NECTIN2: variants seen among roughly 807,000 people sequenced by gnomAD.
The protein encoded by NECTIN2 is nectin-2.
NECTIN2 carries 23 observed loss-of-function variants against 56.9 expected under a neutral mutation model. That is an observed-to-expected ratio of 0.40 (90% CI 0.29 to 0.57). NECTIN2 has a LOEUF of 0.57. NECTIN2 is among the 20% of genes least tolerant of loss of function. The pLI is 0.38. For missense variants in NECTIN2, 587 were observed against 718.3 expected (o/e 0.82, Z 2.09); for synonymous variants, 302 against 313.8 (o/e 0.96, Z 0.40).
At chr19:44,883,343 C>T (rs1032601073) in intron 6 of NECTIN2, among the ~76,000 whole-genome samples, 1 of 152,090 alleles carries the variant, frequency 6.6e-6, no homozygotes, top group Non-Finnish European at 1.5e-5. Context: ...GGCGCCATCT[C>T]GGCTCACTGC....
rs765363683 is a variant in NECTIN2 at position 44,878,601 on chromosome 19, G to A, written c.1043-3610G>A. On this transcript the variant is annotated intron_variant, in intron 5 of 8. Coordinates refer to ENST00000252483, the MANE Select transcript of NECTIN2 (RefSeq NM_001042724.2). ...CAGCTGGACGGCTCCCTCATCTCAC[G>A]GCGGGCAGTTTATGTGTGACCTGGA... 8.7e-6 allele frequency: 14 copies of A among 1,603,128 alleles called. No homozygotes were observed. In the African/African-American group the frequency reaches 1.1e-4, roughly 12 times the overall value.
At chr19:44,867,546 A>G (rs988692247) in intron 2 of NECTIN2, among the ~76,000 whole-genome samples, 1 of 152,194 alleles carries the variant, frequency 6.6e-6, no homozygotes, top group African/African-American at 2.4e-5. Flanking sequence ...TAGGGGACAT[A>G]GTGGCCTCAT....
chr19:44,863,699 G>T (rs1199614692), intron 1 of NECTIN2, among the ~76,000 whole-genome samples: 1 of 151,708 alleles, frequency 6.6e-6, no homozygotes, highest in Non-Finnish European at 1.5e-5. Context: ...ACAAAAATTA[G>T]CCAGGCATGG....
chr19:44,851,614 C>T (rs1968900876), intron 1 of NECTIN2, among the ~76,000 whole-genome samples: 2 of 152,244 alleles, frequency 1.3e-5, no homozygotes, highest in South Asian at 4.1e-4. Context: ...TCTGCCACCA[C>T]AGGAAGCCTG....
At chr19:44,881,123 C>T (rs1969303317) in intron 5 of NECTIN2, among the ~76,000 whole-genome samples, 1 of 151,832 alleles carries the variant, frequency 6.6e-6, no homozygotes, top group African/African-American at 2.4e-5. Context: ...GTCTTGTGCT[C>T]GTTGCCCTGG....
At chr19:44,879,009 C>A (rs1394387473) in intron 5 of NECTIN2, 1 of 795,048 alleles carries the variant, frequency 1.3e-6, no homozygotes, top group East Asian at 1.1e-4. Context: ...GACAGGGACT[C>A]CTAGGTCCCA....
chr19:44,848,618 T>C (rs750124578), intron 1 of NECTIN2, among the ~76,000 whole-genome samples: 89 of 144,452 alleles, frequency 6.2e-4, no homozygotes, highest in Middle Eastern at 7.1e-3. Flanking sequence ...ACCCCAATCC[T>C]TCGCCTCTGC....
Position 44,889,147 on chromosome 19 carries a change from G to A in NECTIN2, c.*768G>A. ...AAACATCCCCCTTCCGGGGAAAGTG[G>A]GTCATCTGAATTGGGGGTAGCAATT... is the stretch of plus-strand genomic sequence containing the variant. On this transcript the variant is annotated 3_prime_UTR_variant, in exon 9 of 9. Coordinates refer to ENST00000252483, the MANE Select transcript of NECTIN2 (RefSeq NM_001042724.2). The A allele has an allele frequency of 6.6e-6, 1 of 152,290 alleles. No homozygotes were observed. Among genetic ancestry groups the A allele is most frequent in the East Asian group, 1.9e-4 (1 of 5,196 alleles). The allele number at this position is 152,290 out of a possible 1,614,324, so 9.4% of individuals were successfully genotyped here. A position where few individuals can be genotyped will look rare whatever the true frequency, so the allele number is the denominator to read the frequency against.
chr19:44,883,272 G>C (rs898629591), intron 6 of NECTIN2, among the ~76,000 whole-genome samples: 2 of 152,096 alleles, frequency 1.3e-5, no homozygotes, highest in Admixed American at 6.6e-5. Flanking sequence ...CCAGCACTTT[G>C]TTTTGTTTTT....
intron 5 of NECTIN2, among the ~76,000 whole-genome samples, chr19:44,880,455 G>A (rs1406673571): frequency 2.1e-5 from 3 of 142,286 alleles, no homozygotes; most frequent in South Asian, 2.2e-4. Context: ...CTCGCTTCTC[G>A]ACCCCTTTTC....
In NECTIN2 at chr19:44,865,786, C is replaced by A; in HGVS notation, c.478+126C>A. ...ACATTCTCTGTGGGTTTCCATCCAT[C>A]AGCAAATGTTCATTAAGCACCTACC... On this transcript the variant is annotated intron_variant, in intron 2 of 8. Coordinates refer to ENST00000252483, the MANE Select transcript of NECTIN2 (RefSeq NM_001042724.2). The surrounding 1 kb of genome is among the most constrained non-coding windows in gnomAD (Gnocchi z 5.2). 8.7e-7 allele frequency: 1 copy of A among 1,148,152 alleles called. No individual in the cohort carries two copies. The highest frequency in any genetic ancestry group is 1.2e-6 in the Non-Finnish European group (1 of 842,306). 71.1% of individuals were successfully genotyped at this position (1,148,152 alleles called of 1,614,324 possible). A position where few individuals can be genotyped will look rare whatever the true frequency, so the allele number is the denominator to read the frequency against.
intron 5 of NECTIN2, chr19:44,878,207 T>A: frequency 1.5e-6 from 1 of 645,218 alleles, no homozygotes; most frequent in Non-Finnish European, 2.8e-6. Context: ...TCACCCCTCC[T>A]TCTCTCTCTC....
At chr19:44,878,847 G>A in intron 5 of NECTIN2, 1 of 1,319,540 alleles carries the variant, frequency 7.6e-7, no homozygotes, top group Non-Finnish European at 9.6e-7. Context: ...GGGATCCAGA[G>A]AGGACCCCCG....
chr19:44,873,404 G>A (rs981999417), intron 3 of NECTIN2, among the ~76,000 whole-genome samples: 15 of 152,134 alleles, frequency 9.9e-5, no homozygotes, highest in Admixed American at 7.2e-4. Flanking sequence ...AGGCCAAGGC[G>A]GGCAGATCAC....
At chr19:44,878,085 C>T in intron 5 of NECTIN2, 1 of 552,784 alleles carries the variant, frequency 1.8e-6, no homozygotes, top group Non-Finnish European at 3.2e-6. Flanking sequence ...CCAGAGTCAC[C>T]CCCTCATTCT....
intron 6 of NECTIN2, among the ~76,000 whole-genome samples, chr19:44,885,084 C>A (rs1969345306): frequency 1.3e-5 from 2 of 151,988 alleles, no homozygotes; most frequent in African/African-American, 2.4e-5. Flanking sequence ...ACAACCTCCA[C>A]CTCCCGGGTT....
At position 44,865,525 on chromosome 19, in the gene NECTIN2, G is replaced by A; in HGVS notation, c.343G>A (p.Asp115Asn). 1 of 1,590,826 alleles carries A rather than the reference G, an allele frequency of 6.3e-7. No individual in the cohort carries two copies. The highest frequency in any genetic ancestry group is 8.6e-7 in the Non-Finnish European group (1 of 1,169,376). The stretch of plus-strand genomic sequence containing the variant: ...CTCTGCCAAGCAGAGCACTGGGCAA[G>A]ACACAGAGGCAGAGCTCCAGGACGC... Reference protein sequence around the residue: ...FVSAKQSTGQDTEAELQDATL... With the variant: ...FVSAKQSTGQNTEAELQDATL... The change falls in exon 2 of 9, where the codon GAC (aspartate) becomes AAC (asparagine). Residue 115 changes from aspartate to asparagine, a missense_variant. Coordinates refer to ENST00000252483, the MANE Select transcript of NECTIN2 (RefSeq NM_001042724.2). This position sits in a 1 kb window ranked among gnomAD's most constrained non-coding sequence, Gnocchi z 5.2.
At position 44,846,429 on chromosome 19, in the gene NECTIN2, G is replaced by GGAGCCC; in HGVS notation, c.-96_-91dup. Reference sequence around the variant, plus strand: ...CGGGAACCGGCCCGGAGCCGGAGCCGGAGCCCCACAGGCACCTACTAAACC... The same window carrying GGAGCCC: ...CGGGAACCGGCCCGGAGCCGGAGCCGGAGCCCGAGCCCCACAGGCACCTACTAAACC... On this transcript the variant is annotated 5_prime_UTR_variant, in exon 1 of 9. Coordinates refer to ENST00000252483, the MANE Select transcript of NECTIN2 (RefSeq NM_001042724.2). 7.4e-7 allele frequency: 1 copy of GGAGCCC among 1,355,138 alleles called. No individual in the cohort carries two copies. Among genetic ancestry groups the GGAGCCC allele is most frequent in the Non-Finnish European group, 9.5e-7 (1 of 1,056,596 alleles). The allele number at this position is 1,355,138 out of a possible 1,614,324, so 83.9% of individuals were successfully genotyped here.
intron 1 of NECTIN2, among the ~76,000 whole-genome samples, chr19:44,850,380 C>T (rs1345958000): frequency 6.6e-6 from 1 of 152,154 alleles, no homozygotes; most frequent in Non-Finnish European, 1.5e-5. Flanking sequence ...CATGGTGACT[C>T]ATGCCTATAA....
Sources: allele counts gnomAD v4.1 joint callset (sites outside exome capture counted in the v4.1 genomes callset), GRCh38; gene constraint gnomAD v4.1.1; non-coding constraint Gnocchi (gnomAD v3.1); transcripts MANE v1.5; gene names NCBI Gene and HGNC (gene_info 2026-07-23, HGNC 2026-07-21).